CTNNA2: variants seen among roughly 807,000 people sequenced by gnomAD.
CTNNA2 encodes catenin alpha 2.
In CTNNA2, 42 loss-of-function variants were observed where a neutral mutation model predicts 101.0. That is an observed-to-expected ratio of 0.42 (90% CI 0.32 to 0.54). The LOEUF (loss-of-function observed/expected upper bound fraction) is 0.54, where lower values mean the gene tolerates loss of function less well. CTNNA2 is among the 20% of genes least tolerant of loss of function. The probability of loss-of-function intolerance (pLI) is 0.14; values close to 1 mark genes in which losing one functional copy is unlikely to be tolerated. For missense variants in CTNNA2, 871 were observed against 1,223.1 expected (o/e 0.71, Z 4.29); for synonymous variants, 450 against 456.4 (o/e 0.99, Z 0.18).
At chr2:79,418,385 A>C (rs1678506017) in intron 4 of CTNNA2, among the ~76,000 whole-genome samples, 1 of 152,102 alleles carries the variant, frequency 6.6e-6, no homozygotes, top group Non-Finnish European at 1.5e-5. Context: ...TTATCACTTA[A>C]ACTGTAAACT....
At chr2:79,581,124 A>G (rs10205741) in intron 1 of CTNNA2, among the ~76,000 whole-genome samples, 3 of 152,226 alleles carry the variant, frequency 2.0e-5, no homozygotes, top group African/African-American at 7.2e-5. Flanking sequence ...GTCCCTTGGT[A>G]ATCTTGTTAA....
chr2:80,476,720 C>G (rs1195102200), intron 9 of CTNNA2, among the ~76,000 whole-genome samples: 2 of 152,090 alleles, frequency 1.3e-5, no homozygotes, highest in Non-Finnish European at 2.9e-5. Flanking sequence ...GCTTTCTGGC[C>G]TCAGACATAA....
intron 13 of CTNNA2, among the ~76,000 whole-genome samples, chr2:80,577,157 C>A (rs979945407): frequency 2.6e-5 from 4 of 152,034 alleles, no homozygotes; most frequent in Non-Finnish European, 5.9e-5. Context: ...TGGAGTTGCC[C>A]TGAATACAGG....
chr2:79,271,383 T>A (rs1259655424), intron 2 of CTNNA2, among the ~76,000 whole-genome samples: 1 of 151,964 alleles, frequency 6.6e-6, no homozygotes, highest in Non-Finnish European at 1.5e-5. Flanking sequence ...TTTTGTGACA[T>A]AACAGATAAG....
At chr2:80,404,550 C>T (rs938215703) in intron 8 of CTNNA2, among the ~76,000 whole-genome samples, 6 of 152,046 alleles carry the variant, frequency 3.9e-5, no homozygotes, top group African/African-American at 1.4e-4. Flanking sequence ...CAGTTACCCC[C>T]AAAATGAGGA....
At chr2:80,461,411 G>A (rs1445338288) in intron 9 of CTNNA2, among the ~76,000 whole-genome samples, 5 of 151,994 alleles carry the variant, frequency 3.3e-5, no homozygotes, top group African/African-American at 9.7e-5. Flanking sequence ...ATAAATTGCC[G>A]CTGCCCATGC....
intron 4 of CTNNA2, among the ~76,000 whole-genome samples, chr2:79,441,918 A>G (rs1002222421): frequency 6.6e-5 from 10 of 152,130 alleles, no homozygotes; most frequent in African/African-American, 2.4e-4. Context: ...CCTTTGCTAA[A>G]CCATCTCCAT....
intron 3 of CTNNA2, among the ~76,000 whole-genome samples, chr2:79,331,640 T>G (rs963562092): frequency 6.6e-6 from 1 of 152,132 alleles, no homozygotes; most frequent in Admixed American, 6.5e-5. Flanking sequence ...TTGTGCCTTC[T>G]TCCTGGCTCC....
At chr2:80,095,915 T>C (rs549810581) in intron 7 of CTNNA2, among the ~76,000 whole-genome samples, 194 of 152,342 alleles carry the variant, frequency 1.3e-3, no homozygotes, top group African/African-American at 4.5e-3. Flanking sequence ...TTAGTCTTGC[T>C]AGCGATCTAT....
chr2:80,595,312 C>T (rs931169189), intron 15 of CTNNA2, among the ~76,000 whole-genome samples: 29 of 151,952 alleles, frequency 1.9e-4, no homozygotes, highest in African/African-American at 6.3e-4. Context: ...TGTCTAGAAA[C>T]ATTTTGTATC....
intron 2 of CTNNA2, among the ~76,000 whole-genome samples, chr2:79,201,839 A>G (rs72915138): frequency 0.07 from 10,591 of 152,182 alleles, 433 homozygotes; most frequent in East Asian, 0.15. Flanking sequence ...TATTTTGCCA[A>G]TGTTAAGGAT....
chr2:79,885,168 A>G (rs1394912352), intron 6 of CTNNA2, among the ~76,000 whole-genome samples: 3 of 151,980 alleles, frequency 2.0e-5, no homozygotes, highest in Admixed American at 6.6e-5. Flanking sequence ...GTATTTGGAG[A>G]TCCAGGGTTG....
At chr2:79,612,275 G>A (rs1678326755) in intron 1 of CTNNA2, among the ~76,000 whole-genome samples, 1 of 152,136 alleles carries the variant, frequency 6.6e-6, no homozygotes, top group Admixed American at 6.6e-5. Flanking sequence ...GGTAGCAAAT[G>A]TTTCATATTT....
Position 80,604,144 on chromosome 2 carries a change from C to A in CTNNA2, c.2260C>A (p.Arg754=), listed in dbSNP as rs2149775101. ...CAAGAAAATTGCCGAAGCAGGTTCT[C>A]GAATGGACAAATTAGCTCGTGCTGT... The part of the protein sequence containing the change: ...AAKKIAEAGS[R]MDKLARAVAD... Residue 754 remains arginine (R), a synonymous_variant, in exon 16 of 19, where the codon CGA becomes AGA. Transcript: ENST00000402739. 1 of 1,613,026 alleles carries A rather than the reference C, an allele frequency of 6.2e-7. No homozygotes were observed. The highest frequency in any genetic ancestry group is 8.5e-7 in the Non-Finnish European group (1 of 1,179,418).
Position 79,843,592 on chromosome 2 carries a change from G to C in CTNNA2, c.299-14421G>C, listed in dbSNP as rs1679986306. ...CTTGTTAAACCTAGGTTTCTGCTCAGTAATGCTTAAGCTTTCTGTCTCTAA... is the reference window on the plus strand; with the variant it reads ...CTTGTTAAACCTAGGTTTCTGCTCACTAATGCTTAAGCTTTCTGTCTCTAA... On this transcript the variant is annotated intron_variant, in intron 3 of 18. Coordinates refer to ENST00000402739, the MANE Select transcript of CTNNA2 (RefSeq NM_001282597.3). Among the ~76,000 whole-genome samples, 2 of 152,172 alleles carry C rather than the reference G, an allele frequency of 1.3e-5. 1 individual carries two copies. Among genetic ancestry groups the C allele is most frequent in the South Asian group, 4.1e-4 (2 of 4,830 alleles).
intron 7 of CTNNA2, among the ~76,000 whole-genome samples, chr2:80,322,951 G>T (rs1300948235): frequency 6.6e-6 from 1 of 152,216 alleles, no homozygotes; most frequent in Non-Finnish European, 1.5e-5. Context: ...TCACTGAAGG[G>T]TATGTAATTT....
rs950171276 is a variant in CTNNA2, at chr2:79,324,484, G to A, written c.-318+11688G>A. Among the ~76,000 whole-genome samples, 3 of 152,182 alleles carry A rather than the reference G, an allele frequency of 2.0e-5. No homozygotes were observed. The East Asian group carries it at 5.8e-4, about 29-fold the overall frequency. On this transcript the variant is annotated intron_variant, in intron 3 of 21. Coordinates refer to the CTNNA2 transcript ENST00000466387. Reference sequence around the variant, plus strand: ...TGGACTTAACCACCTGCTCAAGAAGGGAATTTGACTAATCTTTAGCCAGTA... The same window carrying A: ...TGGACTTAACCACCTGCTCAAGAAGAGAATTTGACTAATCTTTAGCCAGTA...
chr2:79,648,399 C>T (rs1265500018), intron 1 of CTNNA2, among the ~76,000 whole-genome samples: 2 of 152,170 alleles, frequency 1.3e-5, no homozygotes. Context: ...TGATTACTAT[C>T]CTGGAACAGA....
At chr2:79,500,306 G>C (rs74452203) in intron 4 of CTNNA2, among the ~76,000 whole-genome samples, 3 of 151,660 alleles carry the variant, frequency 2.0e-5, no homozygotes, top group Non-Finnish European at 4.4e-5. Context: ...TATTTGTTAT[G>C]TACCTGTTAC....
Sources: allele counts gnomAD v4.1 joint callset (sites outside exome capture counted in the v4.1 genomes callset), GRCh38; gene constraint gnomAD v4.1.1; transcripts MANE v1.5; gene names NCBI Gene and HGNC (gene_info 2026-07-23, HGNC 2026-07-21).